The following ANKMY1 variants were observed in gnomAD, a reference collection of about 807,000 sequenced individuals.
ANKMY1 encodes the protein ankyrin repeat and MYND domain containing 1.
In ANKMY1, 98 loss-of-function variants were observed where a neutral mutation model predicts 102.0. The ratio of observed to expected loss-of-function variants is 0.96; its 90% confidence interval spans 0.82 to 1.14. ANKMY1 has a LOEUF of 1.14. Ranked by LOEUF, ANKMY1 falls within the 50% of genes most tolerant of loss-of-function variation. ANKMY1 has a pLI of 0.00. For synonymous variants in ANKMY1, 582 were observed against 559.9 expected (o/e 1.04, Z -0.56); for missense variants, 1,330 against 1,347.6 (o/e 0.99, Z 0.20).
At chr2:240,504,765 G>A (rs545509242) in intron 13 of ANKMY1, among the ~76,000 whole-genome samples, 4 of 152,222 alleles carry the variant, frequency 2.6e-5, no homozygotes, top group Non-Finnish European at 5.9e-5. Context: ...CCAGCACTTT[G>A]GGAGGCCAAG....
At chr2:240,549,811 A>G (rs1575348964) in intron 4 of ANKMY1, among the ~76,000 whole-genome samples, 1 of 152,216 alleles carries the variant, frequency 6.6e-6, no homozygotes, top group Admixed American at 6.5e-5. Flanking sequence ...CAAAACCACA[A>G]TGAGATACCA....
At chr2:240,516,328 G>A (rs1159459941) in intron 9 of ANKMY1, among the ~76,000 whole-genome samples, 1 of 151,884 alleles carries the variant, frequency 6.6e-6, no homozygotes, top group Non-Finnish European at 1.5e-5. Context: ...CTTTTTGGGG[G>A]GTATTGGGTC....
At chr2:240,524,606 T>C (rs956497232) in intron 7 of ANKMY1, among the ~76,000 whole-genome samples, 1 of 152,224 alleles carries the variant, frequency 6.6e-6, no homozygotes, top group Non-Finnish European at 1.5e-5. Context: ...TCAGGCTGCA[T>C]GGCCCTATAC....
chr2:240,481,226 GC>G, intron 16 of ANKMY1, 129 bp from the exon 17 acceptor site: 2 of 1,159,440 alleles, frequency 1.7e-6, no homozygotes, highest in East Asian at 5.2e-5. Context: ...ACTGTCCCCT[GC>G]ATTGGGCAGC....
intron 4 of ANKMY1, among the ~76,000 whole-genome samples, chr2:240,544,129 G>C (rs1324888028): frequency 6.6e-6 from 1 of 152,100 alleles, no homozygotes; most frequent in Non-Finnish European, 1.5e-5. Context: ...AGTAAGTAGG[G>C]GAAAGAGATG....
intron 4 of ANKMY1, among the ~76,000 whole-genome samples, chr2:240,543,388 G>A (rs897785768): frequency 6.6e-6 from 1 of 151,334 alleles, no homozygotes; most frequent in African/African-American, 2.4e-5. Flanking sequence ...AATAAAAATA[G>A]AAATGTCTTC....
At chr2:240,474,789 A>G (rs1408788320), downstream of ANKMY1, among the ~76,000 whole-genome samples, 1 of 152,248 alleles carries the variant, frequency 6.6e-6, no homozygotes, top group African/African-American at 2.4e-5. Context: ...TTCATGGTGT[A>G]TATGTACCAC....
rs2081927613 is a variant in ANKMY1, at chr2:240,520,214, T to TGCCGTCATCACTCACA, written c.2004+147_2004+148insTGTGAGTGATGACGGC. ...AAGAGCGGGCTGTGGGACCCCCCAC[T>TGCCGTCATCACTCACA]GCGGCGCGCCGTCATCACTCACAGC... On this transcript the variant is annotated intron_variant, in intron 9 of 17. Coordinates refer to ENST00000401804, the MANE Select transcript of ANKMY1 (RefSeq NM_001282771.3). The surrounding 1 kb of genome is among the most constrained non-coding windows in gnomAD (Gnocchi z 4.8). The TGCCGTCATCACTCACA allele has an allele frequency of 8.2e-7, 1 of 1,214,718 alleles. No individual in the cohort carries two copies. The highest frequency in any genetic ancestry group is 2.6e-5 in the East Asian group (1 of 38,962). The allele number at this position is 1,214,718 out of a possible 1,614,324, so 75.2% of individuals were successfully genotyped here. A position where few individuals can be genotyped will look rare whatever the true frequency, so the allele number is the denominator to read the frequency against.
At chr2:240,472,157 G>C in the ANKMY1 span, among the ~76,000 whole-genome samples, 1 of 148,622 alleles carries the variant, frequency 6.7e-6, no homozygotes, top group African/African-American at 2.6e-5. Context: ...CACAGTCCTG[G>C]AGCGGTCCTG....
chr2:240,508,930 T>C (rs1248972364), intron 12 of ANKMY1, among the ~76,000 whole-genome samples: 1 of 148,704 alleles, frequency 6.7e-6, no homozygotes, highest in African/African-American at 2.5e-5. Context: ...GGGTGAACGG[T>C]TGAGTGGATA....
intron 7 of ANKMY1, among the ~76,000 whole-genome samples, chr2:240,525,140 C>T (rs1381391249): frequency 6.6e-6 from 1 of 152,250 alleles, no homozygotes; most frequent in Non-Finnish European, 1.5e-5. Flanking sequence ...CACATTGTTA[C>T]ATTTCTTTCC....
rs866359964 is a variant in ANKMY1 at position 240,529,729 on chromosome 2, T to G, written c.481-220A>C. On this transcript the variant is annotated intron_variant, in intron 4 of 17. Transcript: ENST00000401804. This position sits in a 1 kb window ranked among gnomAD's most constrained non-coding sequence, Gnocchi z 4.2. The stretch of plus-strand genomic sequence containing the variant: ...GAAGGAGGGCACTCCAGAGAGTGCA[T>G]GGAGGGGCAAGGGGGCAGCCAGGGA... Among the ~76,000 whole-genome samples, 2 of 151,634 alleles carry G rather than the reference T, an allele frequency of 1.3e-5. No homozygotes were observed. The highest frequency in any genetic ancestry group is 4.8e-5 in the African/African-American group (2 of 41,256).
chr2:240,530,834 G>A (rs1485273877), intron 4 of ANKMY1, among the ~76,000 whole-genome samples: 1 of 151,968 alleles, frequency 6.6e-6, no homozygotes, highest in Non-Finnish European at 1.5e-5. Flanking sequence ...GCTCGCTTGA[G>A]ACCAGAAGTT....
downstream of ANKMY1, among the ~76,000 whole-genome samples, chr2:240,476,513 G>A (rs374247318): frequency 7.0e-5 from 10 of 143,026 alleles, no homozygotes; most frequent in East Asian, 2.8e-4. Flanking sequence ...CATGGTCACC[G>A]CAGGGCCTTT....
At chr2:240,561,028 C>G, upstream of ANKMY1, 1 of 1,534,186 alleles carries the variant, frequency 6.5e-7, no homozygotes, top group Non-Finnish European at 8.7e-7. Flanking sequence ...GCCGTCTGCA[C>G]CGCGTACCTC....
chr2:240,516,095 G>C (rs2081155863), intron 9 of ANKMY1, among the ~76,000 whole-genome samples: 1 of 151,342 alleles, frequency 6.6e-6, no homozygotes, highest in Admixed American at 6.6e-5. Context: ...GTCTTTATTA[G>C]GTCTTACTGT....
At chr2:240,546,418 A>G (rs2090381078) in intron 4 of ANKMY1, among the ~76,000 whole-genome samples, 1 of 152,248 alleles carries the variant, frequency 6.6e-6, no homozygotes, top group Non-Finnish European at 1.5e-5. Flanking sequence ...GCCAAAATGT[A>G]AAGACCATTG....
chr2:240,519,664 CA>C (rs1171175455), intron 9 of ANKMY1: 1 of 158,604 alleles, frequency 6.3e-6, no homozygotes, highest in Non-Finnish European at 1.4e-5. Flanking sequence ...ACACACTGCC[CA>C]GGGGGACAGG....
intron 17 of ANKMY1, among the ~76,000 whole-genome samples, chr2:240,480,358 G>C (rs144097315): frequency 1.3e-5 from 2 of 152,216 alleles, no homozygotes; most frequent in Admixed American, 6.5e-5. Flanking sequence ...GCACAGCTTC[G>C]CACACCAGCC....
Sources: gnomAD v4.1 joint callset for allele counts (sites outside exome capture counted in the v4.1 genomes callset) on GRCh38, gnomAD v4.1.1 for gene constraint, Gnocchi (gnomAD v3.1) non-coding constraint, MANE v1.5 for transcripts, NCBI Gene and HGNC (gene_info 2026-07-23, HGNC 2026-07-21) for gene names.